CRLF3: variants seen among roughly 807,000 people sequenced by gnomAD.
The protein encoded by CRLF3 is cytokine receptor like factor 3, also known as cytokine receptor-like factor 3.
A neutral mutation model predicts 55.0 loss-of-function variants in CRLF3; 33 were observed. That is an observed-to-expected ratio of 0.60 (90% confidence interval 0.46 to 0.80). The LOEUF (loss-of-function observed/expected upper bound fraction) is 0.80. Among genes scored for constraint, CRLF3 ranks in the 30% least tolerant of loss-of-function variants. CRLF3 has a pLI of 0.00. For synonymous variants in CRLF3, 238 were observed against 196.8 expected (o/e 1.21, Z -1.75); for missense variants, 494 against 538.4 (o/e 0.92, Z 0.82).
At chr17:30,790,353 C>A (rs571923908) in intron 6 of CRLF3, among the ~76,000 whole-genome samples, 1 of 152,000 alleles carries the variant, frequency 6.6e-6, no homozygotes, top group Non-Finnish European at 1.5e-5. Flanking sequence ...TTAGTTTCTA[C>A]GAAGAGCTAT....
At chr17:30,820,013 T>G (rs763620747) in intron 1 of CRLF3, among the ~76,000 whole-genome samples, 1 of 152,200 alleles carries the variant, frequency 6.6e-6, no homozygotes, top group Non-Finnish European at 1.5e-5. Flanking sequence ...TTAATTTCTT[T>G]GGTATTTACA....
At chr17:30,818,456 C>CT (rs1370656622) in intron 1 of CRLF3, among the ~76,000 whole-genome samples, 10,057 of 133,208 alleles carry the variant, frequency 0.075, 414 homozygotes, top group Non-Finnish European at 0.09. Context: ...TTTTCTTTTC[C>CT]TTTTTTTTTT....
At chr17:30,820,685 G>A (rs1567670083) in intron 1 of CRLF3, among the ~76,000 whole-genome samples, 1 of 151,946 alleles carries the variant, frequency 6.6e-6, no homozygotes, top group Non-Finnish European at 1.5e-5. Flanking sequence ...CTGGCTATTC[G>A]GGAGGCTGAG....
intron 1 of CRLF3, among the ~76,000 whole-genome samples, chr17:30,814,126 G>T (rs952282257): frequency 6.6e-6 from 1 of 152,010 alleles, no homozygotes; most frequent in Non-Finnish European, 1.5e-5. Context: ...CCTTGGTGGC[G>T]CATGCCTGTA....
At chr17:30,806,792 C>T (rs1409844279) in intron 1 of CRLF3, among the ~76,000 whole-genome samples, 1 of 152,178 alleles carries the variant, frequency 6.6e-6, no homozygotes, top group Non-Finnish European at 1.5e-5. Flanking sequence ...GGCCACCACA[C>T]TTGGCTAATT....
Position 30,784,313 on chromosome 17 carries a change from CTTGAAGT to C in CRLF3, c.1196_1202del (p.His399ArgfsTer4). 1.2e-6 allele frequency: 2 copies of C among 1,614,158 alleles called. No individual in the cohort carries two copies. Among genetic ancestry groups the C allele is most frequent in the Non-Finnish European group, 1.7e-6 (2 of 1,180,022 alleles). Reference sequence around the variant, plus strand: ...TATTTGAACTTATAGTTACTCGAAGCTTGAAGTGTCCACCTTCATTATTACTGGTGGT... The same window carrying C: ...TATTTGAACTTATAGTTACTCGAAGCGTCCACCTTCATTATTACTGGTGGT... On this transcript the variant is annotated frameshift_variant, in exon 8 of 8. Transcript: ENST00000324238. LOFTEE classifies it high-confidence loss of function.
Position 30,786,154 on chromosome 17 carries a change from C to A in CRLF3, c.960-123G>T, listed in dbSNP as rs750145045. The A allele has an allele frequency of 3.1e-5, 15 of 477,912 alleles. 1 individual carries two copies. The highest frequency in any genetic ancestry group is 7.8e-5 in the Admixed American group (2 of 25,804). The allele number at this position is 477,912 out of a possible 1,614,324, so 29.6% of individuals were successfully genotyped here. On this transcript the variant is annotated intron_variant, in intron 6 of 7. Transcript: ENST00000324238. ...TGTTTTTTTCTAAATAGTACAGCAA[C>A]CATGATTGAGTTCTTGCTATACTCC... is the stretch of plus-strand genomic sequence containing the variant.
rs1258499771 is a variant in CRLF3 at position 30,824,657 on chromosome 17, C to A, written c.-6G>T. 1.9e-6 allele frequency: 3 copies of A among 1,587,586 alleles called. No individual in the cohort carries two copies. The highest frequency in any genetic ancestry group is 2.6e-6 in the Non-Finnish European group (3 of 1,172,666). Reference sequence around the variant, plus strand: ...AGCTCCATCGCCCCCCTCATCTGGCCGCGCGGCCGGCGAAACCTAGCGCGG... The same window carrying A: ...AGCTCCATCGCCCCCCTCATCTGGCAGCGCGGCCGGCGAAACCTAGCGCGG... On this transcript the variant is annotated 5_prime_UTR_variant, in exon 1 of 8. Transcript: ENST00000324238.
At chr17:30,791,219 C>T (rs998997059) in intron 6 of CRLF3, among the ~76,000 whole-genome samples, 1 of 151,724 alleles carries the variant, frequency 6.6e-6, no homozygotes, top group Admixed American at 6.6e-5. Flanking sequence ...TACAGGTGTG[C>T]ACTACCACAT....
At chr17:30,784,593 C>T in intron 7 of CRLF3, 150 bp from the exon 8 acceptor site, 2 of 667,490 alleles carry the variant, frequency 3.0e-6, no homozygotes, top group Non-Finnish European at 5.1e-6. Context: ...AGAGTTCTGT[C>T]CAGGGTTGTA....
rs529145414 is a variant in CRLF3 at position 30,809,248 on chromosome 17, C to G, written c.130-5140G>C. ...GAGACTCAATTTCCAAATTCACCTC[C>G]TGTACTCTCATTGTAAATTTGGTCC... On this transcript the variant is annotated intron_variant, in intron 1 of 7. Coordinates refer to ENST00000324238, the MANE Select transcript of CRLF3 (RefSeq NM_015986.4). Among the ~76,000 whole-genome samples the G allele has an allele frequency of 2.0e-5, 3 of 152,314 alleles. No homozygotes were observed. The East Asian group carries it at 5.8e-4, about 29-fold the overall frequency.
chr17:30,812,040 G>A (rs1397766761), intron 1 of CRLF3, among the ~76,000 whole-genome samples: 2 of 151,890 alleles, frequency 1.3e-5, no homozygotes, highest in Non-Finnish European at 2.9e-5. Flanking sequence ...AGCGGGGGAG[G>A]CGGAGCTTGC....
rs1290073108 is a variant in CRLF3, at chr17:30,783,081, T to C, written c.*1106A>G. On this transcript the variant is annotated 3_prime_UTR_variant, in exon 8 of 8. Transcript: ENST00000324238. The stretch of plus-strand genomic sequence containing the variant: ...TGCTCTGCTAAAAAGAGACCACTTA[T>C]TAAACTGACATTAAACTGGACTGCA... 1 of 152,220 alleles carries C rather than the reference T, an allele frequency of 6.6e-6. No homozygotes were observed. The highest frequency in any genetic ancestry group is 1.5e-5 in the Non-Finnish European group (1 of 68,040). The allele number at this position is 152,220 out of a possible 1,614,324, so 9.4% of individuals were successfully genotyped here.
At position 30,784,383 on chromosome 17, in the gene CRLF3, G is replaced by A. The variant is rs1597909064; in HGVS notation, c.1133C>T (p.Ser378Phe). ...TNQLPAVTSGSTVTFDIEAVT... is the reference protein window; with the variant it reads ...TNQLPAVTSGFTVTFDIEAVT... ...GGCTTCAATGTCAAACGTGACAGTG[G>A]ACCCAGAAGTAACTGCGGGTAACTG... The change falls in exon 8 of 8, where the codon TCC becomes TTC. Residue 378 changes from serine (S) to phenylalanine (F), a missense_variant. Ser to Phe is a radical substitution (Grantham distance 155, BLOSUM62 -2). Transcript: ENST00000324238. 1 of 1,613,570 alleles carries A rather than the reference G, an allele frequency of 6.2e-7. No individual in the cohort carries two copies. Among genetic ancestry groups the A allele is most frequent in the Middle Eastern group, 1.7e-4 (1 of 6,060 alleles).
At chr17:30,810,543 T>C (rs969687420) in intron 1 of CRLF3, among the ~76,000 whole-genome samples, 6 of 150,748 alleles carry the variant, frequency 4.0e-5, no homozygotes, top group East Asian at 3.9e-4. Flanking sequence ...GCCTGGGCAA[T>C]AGAGCAAGAC....
Position 30,784,389 on chromosome 17 carries a change from G to C in CRLF3, c.1127C>G (p.Ser376Cys). 1 of 1,613,654 alleles carries C rather than the reference G, an allele frequency of 6.2e-7. No homozygotes were observed. Among genetic ancestry groups the C allele is most frequent in the Non-Finnish European group, 8.5e-7 (1 of 1,179,550 alleles). ...EMTNQLPAVT[S>C]GSTVTFDIEA... ...AATGTCAAACGTGACAGTGGACCCA[G>C]AAGTAACTGCGGGTAACTGATTTGT... Residue 376 changes from serine to cysteine, a missense_variant, in exon 8 of 8, where the codon TCT (serine) becomes TGT (cysteine). By Grantham distance (112) the Ser-to-Cys change is moderately radical (BLOSUM62 -1). Transcript: ENST00000324238.
At chr17:30,791,540 C>T (rs965873891) in intron 6 of CRLF3, among the ~76,000 whole-genome samples, 4 of 138,110 alleles carry the variant, frequency 2.9e-5, no homozygotes, top group South Asian at 2.3e-4. Context: ...TTTTTTGAAA[C>T]GGAGTCTTGC....
chr17:30,823,670 T>A, intron 1 of CRLF3, among the ~76,000 whole-genome samples: 1 of 152,090 alleles, frequency 6.6e-6, no homozygotes, highest in East Asian at 1.9e-4. Context: ...GGCAGCGGGT[T>A]ATATCTTTTT....
At chr17:30,815,901 C>T (rs1026426570) in intron 1 of CRLF3, among the ~76,000 whole-genome samples, 3 of 150,586 alleles carry the variant, frequency 2.0e-5, no homozygotes, top group African/African-American at 7.3e-5. Flanking sequence ...GAGTTTTAAA[C>T]TCAACCAGCA....
Sources: allele counts gnomAD v4.1 joint callset (sites outside exome capture counted in the v4.1 genomes callset), GRCh38; gene constraint gnomAD v4.1.1; transcripts MANE v1.5; gene names NCBI Gene and HGNC (gene_info 2026-07-23, HGNC 2026-07-21).